BCAR1: variants seen among roughly 807,000 people sequenced by gnomAD.
BCAR1 encodes breast cancer anti-estrogen resistance protein 1.
Under a neutral mutation model 67.6 loss-of-function variants are expected in BCAR1, and 30 were observed. The ratio of observed to expected loss-of-function variants is 0.44; its 90% CI spans 0.33 to 0.60. The LOEUF (loss-of-function observed/expected upper bound fraction) is 0.60. Among genes scored for constraint, BCAR1 ranks in the 20% least tolerant of loss-of-function variants. The probability of loss-of-function intolerance (pLI) is 0.02; values close to 1 mark genes in which losing one functional copy is unlikely to be tolerated. For missense variants in BCAR1, 1,313 were observed against 1,222.3 expected, an observed-to-expected ratio of 1.07 and a Z score of -1.11; for synonymous variants, 626 against 556.7, an observed-to-expected ratio of 1.12 and a Z score of -1.75.
intron 1 of BCAR1, among the ~76,000 whole-genome samples, chr16:75,261,014 T>C (rs2077896345): frequency 6.6e-6 from 1 of 152,172 alleles, no homozygotes; most frequent in Non-Finnish European, 1.5e-5. Flanking sequence ...TAAATTAAAA[T>C]GACTGAAAAA....
intron 6 of BCAR1, among the ~76,000 whole-genome samples, chr16:75,233,454 G>C (rs529779386): frequency 3.1e-4 from 47 of 152,092 alleles, no homozygotes; most frequent in Non-Finnish European, 6.0e-4. Flanking sequence ...GAATCCACAA[G>C]AATGCTTAAC....
chr16:75,261,296 CAGAG>C (rs983723549), intron 1 of BCAR1, among the ~76,000 whole-genome samples: 1 of 152,182 alleles, frequency 6.6e-6, no homozygotes, highest in Non-Finnish European at 1.5e-5. Flanking sequence ...GGTAAGCAGA[CAGAG>C]GGAAGGTGGT....
chr16:75,245,668 C>A (rs573846912), intron 1 of BCAR1, among the ~76,000 whole-genome samples: 1 of 152,230 alleles, frequency 6.6e-6, no homozygotes, highest in Non-Finnish European at 1.5e-5. Flanking sequence ...AGGCTGGGCA[C>A]GTGGCACCAG....
chr16:75,253,476 G>A (rs904820429), upstream of BCAR1, among the ~76,000 whole-genome samples: 3 of 152,126 alleles, frequency 2.0e-5, no homozygotes, highest in African/African-American at 4.8e-5. Flanking sequence ...CAAGGAGGGC[G>A]GTGCAGAGAG....
chr16:75,252,179 T>G, upstream of BCAR1: 1 of 1,535,528 alleles, frequency 6.5e-7, no homozygotes, highest in Non-Finnish European at 8.7e-7. Flanking sequence ...AAATGAAGCC[T>G]CAAGCAGGGA....
At chr16:75,248,426 A>G in intron 1 of BCAR1, 1 of 1,055,170 alleles carries the variant, frequency 9.5e-7, no homozygotes. Context: ...CAACGGATGC[A>G]GGCCCAATAA....
At chr16:75,245,114 G>A (rs183040256) in intron 1 of BCAR1, among the ~76,000 whole-genome samples, 52 of 152,372 alleles carry the variant, frequency 3.4e-4, no homozygotes, top group African/African-American at 1.2e-3. Context: ...GGAGGGCGGG[G>A]GCTGTCCTGC....
chr16:75,239,252 GA>G (rs542008321), intron 2 of BCAR1, among the ~76,000 whole-genome samples: 79 of 152,194 alleles, frequency 5.2e-4, no homozygotes, highest in African/African-American at 1.9e-3. Flanking sequence ...GGGGTTAGGG[GA>G]ACACAGCCAG....
chr16:75,239,525 G>A (rs1283001404), intron 2 of BCAR1, among the ~76,000 whole-genome samples: 1 of 152,176 alleles, frequency 6.6e-6, no homozygotes, highest in Non-Finnish European at 1.5e-5. Flanking sequence ...CGGAGGAAGG[G>A]GACAAAGTGG....
upstream of BCAR1, among the ~76,000 whole-genome samples, chr16:75,256,515 G>T (rs368994436): frequency 7.4e-5 from 6 of 80,630 alleles, no homozygotes; most frequent in Non-Finnish European, 1.5e-4. Context: ...CAGCACGGAT[G>T]GGGGGGGGTG....
Position 75,235,699 on chromosome 16 carries a change from A to G in BCAR1, c.1200T>C (p.Ala400=). The G allele has an allele frequency of 6.2e-7, 1 of 1,611,392 alleles. No individual in the cohort carries two copies. Among genetic ancestry groups the G allele is most frequent in the Non-Finnish European group, 8.5e-7 (1 of 1,178,820 alleles). Residue 400 remains alanine, a synonymous_variant, in exon 5 of 7, where the codon GCT becomes GCC. Coordinates refer to ENST00000162330, the MANE Select transcript of BCAR1 (RefSeq NM_014567.5). ...CACCACTGTCGACCACGCCACCATC[A>G]GCCACCTCAGGAGGAAGCACCCGTT... ...PRERVLPPEV[A]DGGVVDSGVY...
intron 1 of BCAR1, among the ~76,000 whole-genome samples, chr16:75,265,374 G>C (rs1283680105): frequency 6.6e-6 from 1 of 152,094 alleles, no homozygotes; most frequent in Admixed American, 6.5e-5. Context: ...AGGTCTTGCG[G>C]GACAGCACAG....
At chr16:75,236,113 C>T (rs1269856002) in intron 4 of BCAR1, 127 bp from the exon 5 acceptor site, 1 of 1,230,640 alleles carries the variant, frequency 8.1e-7, no homozygotes, top group Non-Finnish European at 1.1e-6. Flanking sequence ...GAGGCACGCG[C>T]ACACACACAG....
intron 1 of BCAR1, among the ~76,000 whole-genome samples, chr16:75,244,356 C>T (rs1007919882): frequency 1.3e-5 from 2 of 152,366 alleles, no homozygotes; most frequent in East Asian, 3.9e-4. Context: ...AAGGGCCACG[C>T]CCCCTTGGGC....
chr16:75,251,135 G>A (rs1206159383), intron 1 of BCAR1, among the ~76,000 whole-genome samples: 1 of 152,162 alleles, frequency 6.6e-6, no homozygotes, highest in African/African-American at 2.4e-5. Flanking sequence ...GAGGCTCGGA[G>A]GCAGGGCGCA....
chr16:75,257,933 C>T lies in BCAR1; in HGVS notation c.66+9982G>A, dbSNP rs561298651. On this transcript the variant is annotated intron_variant, in intron 1 of 6. Transcript: ENST00000393422. ...GCAGATATTAATGACTCCAACTCGC[C>T]GTGGGCCTTCAGCCAGTCACTGTAC... Among the ~76,000 whole-genome samples, 276 of 152,332 alleles carry T rather than the reference C, an allele frequency of 1.8e-3. 1 individual carries two copies. Among genetic ancestry groups the T allele is most frequent in the Middle Eastern group, 6.8e-3 (2 of 294 alleles).
chr16:75,240,867 G>C lies in BCAR1; in HGVS notation c.633+1603C>G, dbSNP rs564837300. ...CTGGCTGAGCCCCTGATGCAATTGA[G>C]AGCAGGCCCCCTGCCGGAGACGGAG... On this transcript the variant is annotated intron_variant, in intron 2 of 6. Transcript: ENST00000162330. Among the ~76,000 whole-genome samples the C allele has an allele frequency of 3.2e-3, 495 of 152,358 alleles. 2 individuals are homozygous for C. Among genetic ancestry groups the C allele is most frequent in the African/African-American group, 0.011 (461 of 41,586 alleles).
At chr16:75,239,538 C>T (rs975845678) in intron 2 of BCAR1, among the ~76,000 whole-genome samples, 23 of 152,196 alleles carry the variant, frequency 1.5e-4, no homozygotes, top group African/African-American at 5.1e-4. Flanking sequence ...CAAAGTGGGC[C>T]CCCGCCCTGG....
chr16:75,239,353 C>T (rs1307606931), intron 2 of BCAR1, among the ~76,000 whole-genome samples: 2 of 152,184 alleles, frequency 1.3e-5, no homozygotes, highest in Non-Finnish European at 2.9e-5. Flanking sequence ...AGAGAAAACA[C>T]AGCACAGGCC....
Sources: allele counts gnomAD v4.1 joint callset (sites outside exome capture counted in the v4.1 genomes callset), GRCh38; gene constraint gnomAD v4.1.1; transcripts MANE v1.5; gene names NCBI Gene and HGNC (gene_info 2026-07-23, HGNC 2026-07-21).